Variants in AUTS2 observed in about 807,000 individuals in gnomAD.
The protein encoded by AUTS2 is autism susceptibility gene 2 protein.
In AUTS2, 17 loss-of-function variants were observed where a neutral mutation model predicts 112.4. That is an observed-to-expected ratio of 0.15 (90% CI 0.10 to 0.23). The LOEUF is 0.23. Ranked by LOEUF, AUTS2 falls within the 10% of genes least tolerant of loss-of-function variation. The probability of loss-of-function intolerance (pLI) is 1.00; values close to 1 mark genes in which losing one functional copy is unlikely to be tolerated. For synonymous variants in AUTS2, 751 were observed against 702.7 expected, an observed-to-expected ratio of 1.07 and a Z score of -1.09; for missense variants, 1,510 against 1,701.6, an observed-to-expected ratio of 0.89 and a Z score of 1.98.
intron 1 of AUTS2, among the ~76,000 whole-genome samples, chr7:69,850,328 C>A (rs1435817371): frequency 7.1e-6 from 1 of 140,314 alleles, no homozygotes; most frequent in Admixed American, 7.7e-5. Context: ...AACAAAAAAA[C>A]CCGGAGGTTG....
At chr7:70,191,669 C>A (rs1330034466) in intron 4 of AUTS2, among the ~76,000 whole-genome samples, 1 of 152,144 alleles carries the variant, frequency 6.6e-6, no homozygotes, top group Non-Finnish European at 1.5e-5. Flanking sequence ...AATTTTTATG[C>A]TACGATATGT....
intron 5 of AUTS2, among the ~76,000 whole-genome samples, chr7:70,584,276 G>A (rs1802585654): frequency 6.6e-6 from 1 of 152,160 alleles, no homozygotes; most frequent in Non-Finnish European, 1.5e-5. Context: ...GGTGAAATCT[G>A]GGGAAAAATT....
chr7:70,760,769 T>C (rs773393266), intron 6 of AUTS2, among the ~76,000 whole-genome samples: 1 of 152,252 alleles, frequency 6.6e-6, no homozygotes, highest in Non-Finnish European at 1.5e-5. Context: ...CCTTTCAATT[T>C]CAGCTTTATC....
At chr7:70,072,589 C>T (rs1241146925) in intron 2 of AUTS2, among the ~76,000 whole-genome samples, 1 of 152,132 alleles carries the variant, frequency 6.6e-6, no homozygotes, top group Non-Finnish European at 1.5e-5. Context: ...TCTAAAAAAA[C>T]AGTAGAGAGG....
chr7:69,786,592 CT>C (rs1409400764), intron 1 of AUTS2, among the ~76,000 whole-genome samples: 1 of 152,152 alleles, frequency 6.6e-6, no homozygotes, highest in Non-Finnish European at 1.5e-5. Context: ...TCCGTGCCAC[CT>C]TTAAGAGCTG....
At chr7:69,642,510 A>G (rs896685094) in intron 1 of AUTS2, among the ~76,000 whole-genome samples, 7 of 152,236 alleles carry the variant, frequency 4.6e-5, no homozygotes, top group African/African-American at 1.7e-4. Context: ...AATTGATATA[A>G]GCAGTTGTCT....
chr7:70,541,498 T>C (rs1800552336), intron 5 of AUTS2, among the ~76,000 whole-genome samples: 1 of 152,250 alleles, frequency 6.6e-6, no homozygotes, highest in African/African-American at 2.4e-5. Flanking sequence ...GATCATCTTA[T>C]CAGGATAAGA....
intron 5 of AUTS2, among the ~76,000 whole-genome samples, chr7:70,681,527 T>A (rs56344011): frequency 0.1 from 9,614 of 93,522 alleles, 371 homozygotes; most frequent in Non-Finnish European, 0.14. Flanking sequence ...ATATATATAT[T>A]TTTTTTTTCT....
chr7:70,137,077 T>G (rs1056421327), intron 4 of AUTS2, among the ~76,000 whole-genome samples: 5 of 152,232 alleles, frequency 3.3e-5, no homozygotes, highest in African/African-American at 1.2e-4. Context: ...TTGTTTTTGA[T>G]CTGGTTGTAT....
At chr7:70,646,632 C>T (rs1489822325) in intron 5 of AUTS2, among the ~76,000 whole-genome samples, 1 of 152,256 alleles carries the variant, frequency 6.6e-6, no homozygotes, top group Non-Finnish European at 1.5e-5. Flanking sequence ...AGAACACTGC[C>T]CTGGAAGCAT....
chr7:69,830,951 T>G (rs562583616), intron 1 of AUTS2, among the ~76,000 whole-genome samples: 1 of 152,294 alleles, frequency 6.6e-6, no homozygotes, highest in South Asian at 2.1e-4. Flanking sequence ...ATCACTAAAC[T>G]AAGTATACTC....
intron 1 of AUTS2, among the ~76,000 whole-genome samples, chr7:69,798,325 G>T (rs1789938161): frequency 6.6e-6 from 1 of 152,122 alleles, no homozygotes; most frequent in East Asian, 1.9e-4. Flanking sequence ...CTAAGGTTGG[G>T]ACATGACTGG....
At chr7:70,064,775 G>A (rs1296809551) in intron 2 of AUTS2, among the ~76,000 whole-genome samples, 4 of 152,108 alleles carry the variant, frequency 2.6e-5, no homozygotes, top group African/African-American at 9.7e-5. Flanking sequence ...CTTTGTGTTG[G>A]AGCCTAGAAT....
At chr7:70,276,290 A>G (rs1018638826) in intron 4 of AUTS2, among the ~76,000 whole-genome samples, 3 of 152,204 alleles carry the variant, frequency 2.0e-5, no homozygotes, top group Non-Finnish European at 2.9e-5. Context: ...AAATACAACA[A>G]AACTTTCTTA....
chr7:70,299,682 C>T (rs542196203), intron 4 of AUTS2, among the ~76,000 whole-genome samples: 1 of 152,246 alleles, frequency 6.6e-6, no homozygotes, highest in South Asian at 2.1e-4. Flanking sequence ...TGCCTTTGTG[C>T]TCTAGCTCAG....
At chr7:70,288,408 CA>C (rs944293282) in intron 4 of AUTS2, among the ~76,000 whole-genome samples, 1 of 150,266 alleles carries the variant, frequency 6.7e-6, no homozygotes, top group Non-Finnish European at 1.5e-5. Flanking sequence ...TCTCAAAAAA[CA>C]AAAAAAAAGC....
At position 69,901,851 on chromosome 7, in the gene AUTS2, A is replaced by G. The variant is rs1471986129; in HGVS notation, c.522+2353A>G. Among the ~76,000 whole-genome samples the G allele has an allele frequency of 3.9e-5, 6 of 152,180 alleles. No individual in the cohort carries two copies. In the South Asian group the frequency reaches 1.2e-3, roughly 32 times the overall value. On this transcript the variant is annotated intron_variant, in intron 2 of 18. Coordinates refer to ENST00000342771, the MANE Select transcript of AUTS2 (RefSeq NM_015570.4). ...CACTTGTGCTATTATGAAATCCCAA[A>G]CAAGTCACCATCTGGTAACAGCCCA... is the stretch of plus-strand genomic sequence containing the variant.
At chr7:69,890,282 G>T (rs1245722816) in intron 1 of AUTS2, among the ~76,000 whole-genome samples, 1 of 152,178 alleles carries the variant, frequency 6.6e-6, no homozygotes, top group African/African-American at 2.4e-5. Context: ...GGATAGTCGT[G>T]ACCTCATCCC....
At chr7:70,174,196 G>A (rs552981171) in intron 4 of AUTS2, among the ~76,000 whole-genome samples, 1 of 152,334 alleles carries the variant, frequency 6.6e-6, no homozygotes, top group African/African-American at 2.4e-5. Context: ...CTGATATGGA[G>A]AAATTTTAGG....
Sources: allele counts gnomAD v4.1 joint callset (sites outside exome capture counted in the v4.1 genomes callset), GRCh38; gene constraint gnomAD v4.1.1; transcripts MANE v1.5; gene names NCBI Gene and HGNC (gene_info 2026-07-23, HGNC 2026-07-21).